Variants in DPP10 observed in about 807,000 individuals in gnomAD.
DPP10 encodes inactive dipeptidyl peptidase 10.
A neutral mutation model predicts 120.9 loss-of-function variants in DPP10; 33 were observed. The ratio of observed to expected loss-of-function variants is 0.27; its 90% CI spans 0.21 to 0.37. DPP10 has a LOEUF of 0.37. Ranked by LOEUF, DPP10 falls within the 10% of genes least tolerant of loss-of-function variation. DPP10 has a pLI of 1.00. For synonymous variants in DPP10, 337 were observed against 326.1 expected (o/e 1.03, Z -0.36); for missense variants, 816 against 942.8 (o/e 0.87, Z 1.76).
intron 1 of DPP10, among the ~76,000 whole-genome samples, chr2:114,698,833 C>T (rs1352994466): frequency 3.9e-5 from 6 of 152,166 alleles, no homozygotes; most frequent in Non-Finnish European, 8.8e-5. Context: ...TGAATAAAAA[C>T]AAGATGGTCA....
chr2:115,495,305 A>G, intron 3 of DPP10, among the ~76,000 whole-genome samples: 1 of 138,568 alleles, frequency 7.2e-6, no homozygotes, highest in South Asian at 2.3e-4. Flanking sequence ...TTGATAATTG[A>G]GCCATTTACC....
intron 3 of DPP10, among the ~76,000 whole-genome samples, chr2:115,382,252 A>G (rs985753672): frequency 1.3e-5 from 2 of 152,204 alleles, no homozygotes; most frequent in Non-Finnish European, 1.5e-5. Context: ...GCGGGATATA[A>G]TCTCCTGGTG....
rs1695909591 is a variant in DPP10, at chr2:114,929,532, T to A, written c.61-379707T>A. Among the ~76,000 whole-genome samples, 3 of 152,136 alleles carry A rather than the reference T, an allele frequency of 2.0e-5. No homozygotes were observed. The South Asian group carries it at 6.2e-4, about 31-fold the overall frequency. On this transcript the variant is annotated intron_variant, in intron 1 of 25. Coordinates refer to ENST00000410059, the MANE Select transcript of DPP10 (RefSeq NM_020868.6). ...ACTGGGAAAAGAATTCAGAGATATTTCTCCTATTTGGTTTCTGCAAGAAGA... is the reference window on the plus strand; with the variant it reads ...ACTGGGAAAAGAATTCAGAGATATTACTCCTATTTGGTTTCTGCAAGAAGA...
At chr2:115,277,825 G>T (rs1288407848) in intron 1 of DPP10, among the ~76,000 whole-genome samples, 1 of 151,990 alleles carries the variant, frequency 6.6e-6, no homozygotes, top group Non-Finnish European at 1.5e-5. Context: ...TTGAAACACA[G>T]ACTTTTAAAC....
At chr2:114,544,039 A>G (rs891176444) in intron 1 of DPP10, among the ~76,000 whole-genome samples, 2 of 152,176 alleles carry the variant, frequency 1.3e-5, no homozygotes, top group African/African-American at 4.8e-5. Context: ...CAGTTAAAAA[A>G]AAAAAAGAAA....
chr2:114,619,562 T>G (rs999910853), intron 1 of DPP10, among the ~76,000 whole-genome samples: 1 of 151,770 alleles, frequency 6.6e-6, no homozygotes, highest in African/African-American at 2.4e-5. Context: ...AAACCACAAC[T>G]CTGAAAGGAT....
In DPP10 at chr2:114,864,378, T is replaced by C. The variant is rs189891133; in HGVS notation, c.60+421540T>C. ...GTCAGTCTTACAACCCTGAAGACTA[T>C]GAATGGAGACAACAATATTAACAGC... On this transcript the variant is annotated intron_variant, in intron 1 of 25. Transcript: ENST00000410059. Among the ~76,000 whole-genome samples, 868 of 152,270 alleles carry C rather than the reference T, an allele frequency of 5.7e-3. 8 individuals carry two copies. The highest frequency in any genetic ancestry group is 0.014 in the Middle Eastern group (4 of 294).
chr2:114,873,540 C>A (rs1019741707), intron 1 of DPP10, among the ~76,000 whole-genome samples: 1 of 152,084 alleles, frequency 6.6e-6, no homozygotes, highest in Non-Finnish European at 1.5e-5. Context: ...TTGGTCATAT[C>A]GTGTCGGTGC....
chr2:114,865,950 T>A (rs920993442), intron 1 of DPP10, among the ~76,000 whole-genome samples: 29 of 151,850 alleles, frequency 1.9e-4, no homozygotes, highest in African/African-American at 7.0e-4. Context: ...CCATGTCTAC[T>A]AAAAATACAA....
intron 3 of DPP10, among the ~76,000 whole-genome samples, chr2:115,445,086 C>A (rs1326428361): frequency 6.6e-6 from 1 of 152,184 alleles, no homozygotes; most frequent in East Asian, 1.9e-4. Flanking sequence ...CCTGCTCTCT[C>A]TCTCTTTCCT....
At chr2:115,122,118 C>CA (rs762758476) in intron 1 of DPP10, among the ~76,000 whole-genome samples, 32 of 152,190 alleles carry the variant, frequency 2.1e-4, no homozygotes, top group Non-Finnish European at 4.4e-4. Context: ...CTGGAGTGAA[C>CA]AGAGTGTTCC....
At chr2:115,611,427 C>T (rs2084090531) in intron 5 of DPP10, among the ~76,000 whole-genome samples, 1 of 152,284 alleles carries the variant, frequency 6.6e-6, no homozygotes, top group Admixed American at 6.5e-5. Flanking sequence ...TGTGCAAAGT[C>T]TGATTCTGAA....
intron 3 of DPP10, among the ~76,000 whole-genome samples, chr2:115,438,037 T>G (rs1420628235): frequency 3.3e-5 from 5 of 151,944 alleles, no homozygotes; most frequent in African/African-American, 9.7e-5. Flanking sequence ...GGATTCAAGC[T>G]GAAAAAAATG....
chr2:115,193,182 T>C (rs1399319407), intron 1 of DPP10, among the ~76,000 whole-genome samples: 1 of 152,232 alleles, frequency 6.6e-6, no homozygotes, highest in Non-Finnish European at 1.5e-5. Flanking sequence ...TTCACAACTT[T>C]CACAGACAAT....
intron 1 of DPP10, among the ~76,000 whole-genome samples, chr2:114,698,217 C>T (rs553006254): frequency 1.2e-3 from 183 of 152,166 alleles, no homozygotes; most frequent in Non-Finnish European, 2.3e-3. Flanking sequence ...ACCCTCACCC[C>T]TGCTCTTGGC....
At chr2:115,544,015 G>A (rs4849406) in intron 5 of DPP10, among the ~76,000 whole-genome samples, 27,124 of 150,790 alleles carry the variant, frequency 0.18, 3,218 homozygotes, top group East Asian at 0.39. Context: ...CTTCCCTTCC[G>A]CTGTACAGGT....
intron 1 of DPP10, among the ~76,000 whole-genome samples, chr2:114,477,883 A>G (rs1050746844): frequency 6.7e-6 from 1 of 148,272 alleles, no homozygotes; most frequent in Non-Finnish European, 1.5e-5. Context: ...ATATATGTGT[A>G]TATATGTACA....
chr2:115,820,800 TGTGTGTGTGTG>T (rs1211718328), intron 21 of DPP10, among the ~76,000 whole-genome samples: 5 of 1,906 alleles, frequency 2.6e-3, no homozygotes, highest in African/African-American at 3.1e-3. Context: ...CCATGGTGTA[TGTGTGTGTGTG>T]TGTGTGTGTG....
chr2:115,562,212 T>A (rs1170656881), intron 5 of DPP10, among the ~76,000 whole-genome samples: 1 of 152,216 alleles, frequency 6.6e-6, no homozygotes, highest in Non-Finnish European at 1.5e-5. Context: ...TATAACCCAC[T>A]GACATTTGTC....
Sources: gnomAD v4.1 joint callset for allele counts (sites outside exome capture counted in the v4.1 genomes callset) on GRCh38, gnomAD v4.1.1 for gene constraint, MANE v1.5 for transcripts, NCBI Gene and HGNC (gene_info 2026-07-23, HGNC 2026-07-21) for gene names.